ZNF516: variants seen among roughly 807,000 people sequenced by gnomAD.
ZNF516 encodes the protein zinc finger protein 516.
ZNF516 carries 19 observed loss-of-function variants against 79.7 expected under a neutral mutation model. That is an observed-to-expected ratio of 0.24 (90% CI 0.17 to 0.35). The LOEUF (loss-of-function observed/expected upper bound fraction) is 0.35, where lower values mean the gene tolerates loss of function less well. Ranked by LOEUF, ZNF516 falls within the 10% of genes least tolerant of loss-of-function variation. The pLI is 1.00. For missense variants in ZNF516, 1,678 were observed against 1,679.5 expected (o/e 1.00, Z 0.02); for synonymous variants, 877 against 739.5 (o/e 1.19, Z -3.02).
In ZNF516 at chr18:76,360,649, ATATATAT is replaced by A. The variant is rs2074521323; in HGVS notation, c.*1842_*1848del. 2.1e-5 allele frequency: 2 copies of A among 94,436 alleles called. No homozygotes were observed. Among genetic ancestry groups the A allele is most frequent in the South Asian group, 3.5e-4 (1 of 2,838 alleles). The allele number at this position is 94,436 out of a possible 1,614,324, so 5.8% of individuals were successfully genotyped here. A position where few individuals can be genotyped will look rare whatever the true frequency, so the allele number is the denominator to read the frequency against. On this transcript the variant is annotated 3_prime_UTR_variant, in exon 7 of 7. Coordinates refer to ENST00000443185, the MANE Select transcript of ZNF516 (RefSeq NM_014643.4). The stretch of plus-strand genomic sequence containing the variant: ...AAAATAAGTAAAAAAAAAAAAAAAT[ATATATAT>A]ATATATATATATATATATATATAAG...
At chr18:76,424,055 C>A (rs1362373668) in intron 3 of ZNF516, among the ~76,000 whole-genome samples, 1 of 126,070 alleles carries the variant, frequency 7.9e-6, no homozygotes, top group Non-Finnish European at 1.7e-5. Flanking sequence ...CCGAAACACA[C>A]GCAGGTGAAA....
At chr18:76,375,727 C>T (rs2074777232) in intron 4 of ZNF516, among the ~76,000 whole-genome samples, 1 of 146,706 alleles carries the variant, frequency 6.8e-6, no homozygotes. Flanking sequence ...GGCCAAGAGA[C>T]CAGGTAGAGG....
intron 1 of ZNF516, among the ~76,000 whole-genome samples, chr18:76,478,973 T>C (rs1010960846): frequency 6.6e-6 from 1 of 152,188 alleles, no homozygotes; most frequent in African/African-American, 2.4e-5. Context: ...CAAGAATCAT[T>C]TGAACCTGGG....
intron 1 of ZNF516, chr18:76,492,685 G>T (rs59084186): frequency 0.23 from 230,467 of 980,930 alleles, 28,507 homozygotes; most frequent in South Asian, 0.37. Context: ...CAAGGCCAGA[G>T]AAACCGCACG....
intron 1 of ZNF516, among the ~76,000 whole-genome samples, chr18:76,491,404 C>A (rs1338987994): frequency 7.1e-6 from 1 of 139,882 alleles, no homozygotes; most frequent in Non-Finnish European, 1.6e-5. Flanking sequence ...CGCCGGCTCC[C>A]CCCGCCCGCC....
At chr18:76,421,138 A>G (rs1211173332) in intron 3 of ZNF516, among the ~76,000 whole-genome samples, 1 of 152,230 alleles carries the variant, frequency 6.6e-6, no homozygotes, top group East Asian at 1.9e-4. Flanking sequence ...TATGCACAAT[A>G]TGTATGTTCA....
chr18:76,450,034 C>A (rs1912298766), intron 2 of ZNF516, among the ~76,000 whole-genome samples: 1 of 152,186 alleles, frequency 6.6e-6, no homozygotes. Flanking sequence ...TTGAGAACTA[C>A]TGTTACTTGT....
chr18:76,487,150 C>T (rs569822714), intron 1 of ZNF516, among the ~76,000 whole-genome samples: 18 of 152,254 alleles, frequency 1.2e-4, no homozygotes, highest in African/African-American at 3.6e-4. Flanking sequence ...ACTTTTAAGG[C>T]ATGTTGAGAG....
Position 76,442,615 on chromosome 18 carries a change from T to A in ZNF516, c.440A>T (p.Asp147Val), listed in dbSNP as rs1380050263. 5 of 1,596,598 alleles carry A rather than the reference T, an allele frequency of 3.1e-6. No homozygotes were observed. The highest frequency in any genetic ancestry group is 4.2e-6 in the Non-Finnish European group (5 of 1,178,468). Residue 147 changes from aspartate (D) to valine (V), a missense_variant, in exon 3 of 7, where the codon GAC becomes GTC. Coordinates refer to ENST00000443185, the MANE Select transcript of ZNF516 (RefSeq NM_014643.4). The part of the protein sequence containing the change: ...ARVLNGASQA[D>V]SGRVLLRSSK... ...GCTCCGCAGCAGGACTCTGCCGCTG[T>A]CGGCCTGCGAGGCCCCGTTCAGGAC...
At chr18:76,444,756 G>A (rs770172299) in intron 2 of ZNF516, among the ~76,000 whole-genome samples, 1 of 152,184 alleles carries the variant, frequency 6.6e-6, no homozygotes, top group Non-Finnish European at 1.5e-5. Context: ...CACGGGGGTC[G>A]GGGATTCTGA....
chr18:76,467,494 T>G lies in ZNF516; in HGVS notation c.-271-4353A>C, dbSNP rs1001006272. Reference sequence around the variant, plus strand: ...GATATTAAGCACACCTCGGGGGCAGTGCTGGAATTACAGCATCCACAGGTG... The same window carrying G: ...GATATTAAGCACACCTCGGGGGCAGGGCTGGAATTACAGCATCCACAGGTG... On this transcript the variant is annotated intron_variant, in intron 1 of 6. Transcript: ENST00000443185. This position sits in a 1 kb window ranked among gnomAD's most constrained non-coding sequence, Gnocchi z 4.2. Among the ~76,000 whole-genome samples the G allele has an allele frequency of 5.3e-5, 8 of 152,154 alleles. No homozygotes were observed. Among genetic ancestry groups the G allele is most frequent in the Non-Finnish European group, 1.2e-4 (8 of 68,018 alleles).
chr18:76,410,508 G>A (rs369946780), intron 3 of ZNF516, among the ~76,000 whole-genome samples: 10 of 152,202 alleles, frequency 6.6e-5, no homozygotes, highest in South Asian at 4.1e-4. Flanking sequence ...CAGTGGTTCC[G>A]CAGTTCCCTA....
chr18:76,494,512 G>A (rs925024507), intron 1 of ZNF516, among the ~76,000 whole-genome samples: 5 of 146,240 alleles, frequency 3.4e-5, no homozygotes, highest in African/African-American at 1.0e-4. Flanking sequence ...TAACGTTAGG[G>A]TCACTTAGAA....
intron 3 of ZNF516, among the ~76,000 whole-genome samples, chr18:76,404,924 A>G (rs2075284683): frequency 6.6e-6 from 1 of 152,152 alleles, no homozygotes. Context: ...CCGTCCCTGC[A>G]GACAGGAGAG....
In ZNF516 at chr18:76,357,852, C is replaced by T. The variant is rs573038484; in HGVS notation, c.*4646G>A. ...AATTCCGTCCGCGTCCATCCCTGTG[C>T]GTCCTGTATGGGTGACAGTGCAAGG... is the stretch of plus-strand genomic sequence containing the variant. On this transcript the variant is annotated 3_prime_UTR_variant, in exon 7 of 7. Transcript: ENST00000443185. Among the ~76,000 whole-genome samples the T allele has an allele frequency of 8.3e-4, 127 of 152,186 alleles. No individual in the cohort carries two copies. The highest frequency in any genetic ancestry group is 1.5e-3 in the Non-Finnish European group (102 of 68,022).
At chr18:76,492,502 C>A in intron 1 of ZNF516, 1 of 425,842 alleles carries the variant, frequency 2.3e-6, no homozygotes, top group Non-Finnish European at 3.1e-6. Context: ...GACTAGGCAT[C>A]AACTCCCAGT....
chr18:76,412,806 C>A (rs2145314093), intron 3 of ZNF516, among the ~76,000 whole-genome samples: 1 of 152,298 alleles, frequency 6.6e-6, no homozygotes, highest in African/African-American at 2.4e-5. Context: ...CCCACTGAGT[C>A]CTCTCCTCTC....
chr18:76,461,474 G>A (rs1177349567), intron 2 of ZNF516, among the ~76,000 whole-genome samples: 1 of 152,214 alleles, frequency 6.6e-6, no homozygotes, highest in Non-Finnish European at 1.5e-5. Flanking sequence ...AACCTGTTGG[G>A]CTACACCACT....
intron 4 of ZNF516, among the ~76,000 whole-genome samples, chr18:76,372,493 C>T (rs1012159265): frequency 6.6e-6 from 1 of 152,150 alleles, no homozygotes; most frequent in Non-Finnish European, 1.5e-5. Flanking sequence ...TTTTTTAAAA[C>T]GCTGCTTTAT....
Sources: gnomAD v4.1 joint callset for allele counts (sites outside exome capture counted in the v4.1 genomes callset) on GRCh38, gnomAD v4.1.1 for gene constraint, Gnocchi (gnomAD v3.1) non-coding constraint, MANE v1.5 for transcripts, NCBI Gene and HGNC (gene_info 2026-07-23, HGNC 2026-07-21) for gene names.